PCDHGB3: variants seen among roughly 807,000 people sequenced by gnomAD.
PCDHGB3 encodes protocadherin gamma subfamily B, 3, also known as protocadherin gamma-B3.
Under a neutral mutation model 59.2 loss-of-function variants are expected in PCDHGB3, and 40 were observed. The ratio of observed to expected loss-of-function variants is 0.68; its 90% CI spans 0.52 to 0.88. PCDHGB3 has a LOEUF of 0.88. Ranked by LOEUF, PCDHGB3 falls within the 40% of genes least tolerant of loss-of-function variation. The pLI is 0.00. For missense variants in PCDHGB3, 1,309 were observed against 1,187.9 expected, an observed-to-expected ratio of 1.10 and a Z score of -1.50; for synonymous variants, 581 against 503.6, an observed-to-expected ratio of 1.15 and a Z score of -2.06.
At chr5:141,393,512 G>A in intron 1 of PCDHGB3, 1 of 1,613,996 alleles carries the variant, frequency 6.2e-7, no homozygotes, top group Non-Finnish European at 8.5e-7. Flanking sequence ...TGACAGTGTT[G>A]GATACAAATG....
chr5:141,415,515 G>A (rs752258863), intron 1 of PCDHGB3: 5 of 1,614,152 alleles, frequency 3.1e-6, no homozygotes, highest in South Asian at 1.1e-5. Flanking sequence ...CCAATTATGC[G>A]GACACGCTCA....
chr5:141,443,588 A>T (rs1479393074), intron 1 of PCDHGB3, among the ~76,000 whole-genome samples: 3 of 152,240 alleles, frequency 2.0e-5, no homozygotes, highest in Non-Finnish European at 4.4e-5. Context: ...CTAAAACAGA[A>T]TGTGGTATAT....
chr5:141,404,225 A>G, intron 1 of PCDHGB3: 6 of 1,613,828 alleles, frequency 3.7e-6, no homozygotes, highest in Non-Finnish European at 5.1e-6. Context: ...GGTGACTGCA[A>G]CAGACAGAGG....
chr5:141,498,197 A>C (rs1191884415), intron 2 of PCDHGB3, among the ~76,000 whole-genome samples: 1 of 152,246 alleles, frequency 6.6e-6, no homozygotes. Flanking sequence ...AACCAGCTAA[A>C]GAAAAGAAGG....
In PCDHGB3 at chr5:141,490,751, C is replaced by T. The variant is rs2099703884; in HGVS notation, c.2416-4056C>T. 6.2e-6 allele frequency: 10 copies of T among 1,614,092 alleles called. No individual in the cohort carries two copies. The highest frequency in any genetic ancestry group is 1.7e-5 in the Admixed American group (1 of 60,012). ...AATCAGGTTCAGGGAGCCCCAGCCT[C>T]CTCCTTTGTGTATGTCAACCCAGAG... On this transcript the variant is annotated intron_variant, in intron 1 of 3. Coordinates refer to ENST00000576222, the MANE Select transcript of PCDHGB3 (RefSeq NM_018924.5). This position sits in a 1 kb window ranked among gnomAD's most constrained non-coding sequence, Gnocchi z 5.4.
chr5:141,377,014 G>T (rs1457623527), intron 1 of PCDHGB3: 1 of 155,140 alleles, frequency 6.4e-6, no homozygotes, highest in African/African-American at 2.4e-5. Flanking sequence ...TGGTTGACAG[G>T]AAAATTCAAG....
intron 1 of PCDHGB3, chr5:141,394,476 C>T (rs763209018): frequency 3.8e-5 from 61 of 1,614,238 alleles, no homozygotes; most frequent in Admixed American, 1.7e-4. Flanking sequence ...CGTGCTGGAC[C>T]AGAATGACAA....
intron 1 of PCDHGB3, among the ~76,000 whole-genome samples, chr5:141,482,592 C>T (rs187714622): frequency 1.0e-4 from 15 of 142,934 alleles, no homozygotes; most frequent in East Asian, 6.1e-4. Context: ...TGGGACCAAA[C>T]GGGAAAAAAC....
Position 141,403,062 on chromosome 5 carries a change from A to G in PCDHGB3, c.2415+30253A>G, listed in dbSNP as rs780758422. On this transcript the variant is annotated intron_variant, in intron 1 of 3. Transcript: ENST00000576222. ...AGTCAGATTCGCTACTCAGTGCCTG[A>G]AGAGACAGAAAAGGGCTATATTGTG... is the stretch of plus-strand genomic sequence containing the variant. The G allele has an allele frequency of 7.4e-6, 12 of 1,613,964 alleles. 1 individual carries two copies. The South Asian group carries it at 1.1e-4, about 15-fold the overall frequency.
chr5:141,400,445 A>G (rs779145110), intron 1 of PCDHGB3: 1 of 1,614,084 alleles, frequency 6.2e-7, no homozygotes, highest in Non-Finnish European at 8.5e-7. Flanking sequence ...AGTTCAGGAC[A>G]AGACATACTT....
intron 1 of PCDHGB3, chr5:141,421,202 C>G (rs1345590720): frequency 6.6e-7 from 1 of 1,519,226 alleles, no homozygotes; most frequent in Non-Finnish European, 8.8e-7. Flanking sequence ...CTCGAGAAAC[C>G]GCGGAATATC....
intron 1 of PCDHGB3, chr5:141,404,669 A>G: frequency 1.9e-6 from 3 of 1,614,100 alleles, no homozygotes; most frequent in Non-Finnish European, 2.5e-6. Context: ...TGATGGTTCT[A>G]CTGGTGTGGA....
chr5:141,384,294 C>T, intron 1 of PCDHGB3: 1 of 1,613,864 alleles, frequency 6.2e-7, no homozygotes. Context: ...CTGAGAACAA[C>T]CCCAGAGGGG....
chr5:141,375,833 C>G, intron 1 of PCDHGB3: 1 of 1,614,152 alleles, frequency 6.2e-7, no homozygotes, highest in South Asian at 1.1e-5. Flanking sequence ...CTCCGCAGAG[C>G]CCGGCTACCT....
chr5:141,490,938 C>A lies in PCDHGB3; in HGVS notation c.2416-3869C>A. 1.2e-6 allele frequency: 2 copies of A among 1,613,672 alleles called. No individual in the cohort carries two copies. Among genetic ancestry groups the A allele is most frequent in the Non-Finnish European group, 1.7e-6 (2 of 1,179,760 alleles). On this transcript the variant is annotated intron_variant, in intron 1 of 3. Coordinates refer to ENST00000576222, the MANE Select transcript of PCDHGB3 (RefSeq NM_018924.5). The surrounding 1 kb of genome is among the most constrained non-coding windows in gnomAD (Gnocchi z 5.4). ...ATGATAATGCCCCAGCTGTGCTGCA[C>A]CCACGGCCAGACTGGGAACACTCAG... is the stretch of plus-strand genomic sequence containing the variant.
intron 1 of PCDHGB3, chr5:141,385,213 C>T (rs1481010729): frequency 1.7e-5 from 28 of 1,614,108 alleles, no homozygotes; most frequent in Non-Finnish European, 2.2e-5. Flanking sequence ...GATCTTCCCC[C>T]AGCCCAACTA....
rs1195194477 is a variant in PCDHGB3, at chr5:141,432,620, C to G, written c.2415+59811C>G. On this transcript the variant is annotated intron_variant, in intron 1 of 3. Transcript: ENST00000576222. The surrounding 1 kb of genome is among the most constrained non-coding windows in gnomAD (Gnocchi z 6.0). ...CGAGCCGGGACTCTTCTCGGTGGGTCTGCACACGGGCGAGGTGCGCACGGC... is the reference window on the plus strand; with the variant it reads ...CGAGCCGGGACTCTTCTCGGTGGGTGTGCACACGGGCGAGGTGCGCACGGC... 6 of 1,613,190 alleles carry G rather than the reference C, an allele frequency of 3.7e-6. No individual in the cohort carries two copies. Among genetic ancestry groups the G allele is most frequent in the Admixed American group, 1.7e-5 (1 of 59,978 alleles).
intron 1 of PCDHGB3, chr5:141,413,602 G>A (rs1561743581): frequency 6.2e-7 from 1 of 1,613,860 alleles, no homozygotes; most frequent in Non-Finnish European, 8.5e-7. Flanking sequence ...AGAAAATCTA[G>A]ACGTAAAAAT....
At chr5:141,464,044 C>T (rs898632465) in intron 1 of PCDHGB3, among the ~76,000 whole-genome samples, 1 of 152,086 alleles carries the variant, frequency 6.6e-6, no homozygotes, top group African/African-American at 2.4e-5. Context: ...GCGGGTGGAT[C>T]ACCTGAGGTC....
Sources: allele counts gnomAD v4.1 joint callset (sites outside exome capture counted in the v4.1 genomes callset), GRCh38; gene constraint gnomAD v4.1.1; non-coding constraint Gnocchi (gnomAD v3.1); transcripts MANE v1.5; gene names NCBI Gene and HGNC (gene_info 2026-07-23, HGNC 2026-07-21).